The following CHP1 variants were observed in gnomAD, a reference collection of about 807,000 sequenced individuals.
The protein encoded by CHP1 is calcineurin B homologous protein 1.
Under a neutral mutation model 27.4 loss-of-function variants are expected in CHP1, and 11 were observed. That is an observed-to-expected ratio of 0.40 (90% CI 0.25 to 0.67). The LOEUF is 0.67. CHP1 is among the 30% of genes least tolerant of loss of function. CHP1 has a pLI of 0.38. For synonymous variants in CHP1, 89 were observed against 87.4 expected (o/e 1.02, Z -0.10); for missense variants, 169 against 251.3 (o/e 0.67, Z 2.22).
intron 5 of CHP1, among the ~76,000 whole-genome samples, chr15:41,274,243 G>A (rs1381998222): frequency 6.6e-6 from 1 of 152,120 alleles, no homozygotes; most frequent in Non-Finnish European, 1.5e-5. Context: ...ACAGGCATGA[G>A]CCACCGCACC....
chr15:41,255,909 T>G (rs929178677), intron 2 of CHP1, among the ~76,000 whole-genome samples: 2 of 151,920 alleles, frequency 1.3e-5, no homozygotes, highest in African/African-American at 4.8e-5. Flanking sequence ...CCCAGCTACT[T>G]GGGAGGCTGA....
Position 41,256,990 on chromosome 15 carries a change from G to A in CHP1, c.221G>A (p.Gly74Glu). 6.2e-7 allele frequency: 1 copy of A among 1,612,700 alleles called. No individual in the cohort carries two copies. Among genetic ancestry groups the A allele is most frequent in the Non-Finnish European group, 8.5e-7 (1 of 1,178,840 alleles). Residue 74 changes from glycine (G) to glutamate (E), a missense_variant and splice_region_variant, in exon 3 of 7, where the codon GGA (glycine) becomes GAA (glutamate). Physicochemically the swap from Gly to Glu is moderately conservative, Grantham distance 98. Transcript: ENST00000334660. ...DRIINAFFPE[G>E]EDQVNFRGFM... Reference sequence around the variant, plus strand: ...ATCATCAATGCCTTCTTTCCAGAGGGGTGAGTCAGTACAGTTGTTGGACTT... The same window carrying A: ...ATCATCAATGCCTTCTTTCCAGAGGAGTGAGTCAGTACAGTTGTTGGACTT...
intron 2 of CHP1, among the ~76,000 whole-genome samples, chr15:41,256,016 CA>C (rs2047398762): frequency 6.6e-6 from 1 of 150,986 alleles, no homozygotes; most frequent in Non-Finnish European, 1.5e-5. Flanking sequence ...GACTCTGTCT[CA>C]AAAAAAAGTT....
intron 4 of CHP1, among the ~76,000 whole-genome samples, chr15:41,265,601 C>CTCGG (rs1341539297): frequency 6.6e-6 from 1 of 151,260 alleles, no homozygotes; most frequent in East Asian, 2.0e-4. Context: ...ATCTCAGGTA[C>CTCGG]TCGGGAGGCT....
intron 4 of CHP1, chr15:41,264,026 G>C (rs1301803101): frequency 2.4e-6 from 1 of 409,446 alleles, no homozygotes; most frequent in Non-Finnish European, 4.5e-6. Context: ...CGGCAGGAGG[G>C]TTGATTCTGT....
chr15:41,256,993 GAGTC>G lies in CHP1; in HGVS notation c.221+7_221+10del. 6.2e-7 allele frequency: 1 copy of G among 1,612,054 alleles called. No homozygotes were observed. The highest frequency in any genetic ancestry group is 1.7e-4 in the Middle Eastern group (1 of 6,058). ...ATCAATGCCTTCTTTCCAGAGGGGT[GAGTC>G]AGTACAGTTGTTGGACTTCCTTCCT... is the stretch of plus-strand genomic sequence containing the variant. On this transcript the variant is annotated splice_donor_5th_base_variant and intron_variant, in intron 3 of 6. Transcript: ENST00000334660.
At chr15:41,260,429 C>T (rs955211248) in intron 3 of CHP1, among the ~76,000 whole-genome samples, 1 of 145,062 alleles carries the variant, frequency 6.9e-6, no homozygotes, top group Admixed American at 7.0e-5. Flanking sequence ...GAGTCTCCCT[C>T]TGTCACCCAG....
At chr15:41,246,735 C>T (rs1432650213) in intron 2 of CHP1, among the ~76,000 whole-genome samples, 1 of 144,764 alleles carries the variant, frequency 6.9e-6, no homozygotes, top group Non-Finnish European at 1.5e-5. Context: ...GAAACCCCGT[C>T]TCTATTAAAA....
At chr15:41,271,097 T>C (rs936641618) in intron 5 of CHP1, among the ~76,000 whole-genome samples, 1 of 151,582 alleles carries the variant, frequency 6.6e-6, no homozygotes, top group Non-Finnish European at 1.5e-5. Context: ...CTACTAAAAA[T>C]ACAAAAAATT....
chr15:41,267,929 T>TA (rs57565577), intron 4 of CHP1, among the ~76,000 whole-genome samples: 5,147 of 117,184 alleles, frequency 0.044, 349 homozygotes, highest in African/African-American at 0.13. Flanking sequence ...CCCTATCTCT[T>TA]AAAAAAAAAA....
At chr15:41,262,010 A>G (rs1486120169) in intron 3 of CHP1, among the ~76,000 whole-genome samples, 4 of 145,952 alleles carry the variant, frequency 2.7e-5, no homozygotes, top group African/African-American at 7.8e-5. Flanking sequence ...AAAAAAAAAA[A>G]TACAAAAAAT....
Position 41,278,869 on chromosome 15 carries a change from T to A in CHP1, c.514T>A (p.Ser172Thr). The A allele has an allele frequency of 6.2e-7, 1 of 1,614,144 alleles. No individual in the cohort carries two copies. The highest frequency in any genetic ancestry group is 8.5e-7 in the Non-Finnish European group (1 of 1,180,024). Residue 172 changes from serine to threonine, a missense_variant, in exon 6 of 7, where the codon TCT becomes ACT. Coordinates refer to ENST00000334660, the MANE Select transcript of CHP1 (RefSeq NM_007236.5). The part of the protein sequence containing the change: ...EADQDGDSAI[S>T]FTEFVKVLEK... ...TGATCAGGATGGGGACAGTGCCATA[T>A]CTTTCACAGAATTTGTTAAGGTTGG...
At chr15:41,266,645 C>T (rs1255169233) in intron 4 of CHP1, among the ~76,000 whole-genome samples, 1 of 152,086 alleles carries the variant, frequency 6.6e-6, no homozygotes, top group Admixed American at 6.6e-5. Context: ...TGTCCATCGA[C>T]AGATGAATGG....
In CHP1 at chr15:41,260,167, G is replaced by A. The variant is rs942400141; in HGVS notation, c.222-2589G>A. Among the ~76,000 whole-genome samples the A allele has an allele frequency of 1.4e-3, 214 of 151,632 alleles. 1 individual carries two copies. Among genetic ancestry groups the A allele is most frequent in the African/African-American group, 5.0e-3 (207 of 41,388 alleles). On this transcript the variant is annotated intron_variant, in intron 3 of 6. Transcript: ENST00000334660. Reference sequence around the variant, plus strand: ...CTATTCGGTGGGGCACAGAAAGGCTGGGGTTTTTTTTTTTTTTAGGTAACC... The same window carrying A: ...CTATTCGGTGGGGCACAGAAAGGCTAGGGTTTTTTTTTTTTTTAGGTAACC...
chr15:41,279,264 T>C, intron 6 of CHP1, 72 bp from the exon 7 acceptor site: 1 of 1,220,208 alleles, frequency 8.2e-7, no homozygotes. Flanking sequence ...GGGGAAAACA[T>C]TACTCAGATA....
intron 2 of CHP1, among the ~76,000 whole-genome samples, chr15:41,244,137 G>A (rs1438144924): frequency 1.3e-5 from 2 of 149,236 alleles, no homozygotes; most frequent in Non-Finnish European, 3.0e-5. Flanking sequence ...GGCAGAGGTC[G>A]CAGTGAGCAA....
intron 1 of CHP1, among the ~76,000 whole-genome samples, chr15:41,240,370 G>A (rs2047299996): frequency 6.6e-6 from 1 of 151,972 alleles, no homozygotes; most frequent in African/African-American, 2.4e-5. Flanking sequence ...GATAAAGAAG[G>A]ACTCCAAAGC....
intron 1 of CHP1, among the ~76,000 whole-genome samples, chr15:41,243,122 C>T (rs2047315511): frequency 6.6e-6 from 1 of 152,050 alleles, no homozygotes; most frequent in African/African-American, 2.4e-5. Context: ...AGTGGATCAC[C>T]TGAGGTCAGG....
At chr15:41,265,362 T>TA (rs1369521647) in intron 4 of CHP1, among the ~76,000 whole-genome samples, 1 of 49,138 alleles carries the variant, frequency 2.0e-5, no homozygotes, top group Non-Finnish European at 3.7e-5. Context: ...AGACTCTGTC[T>TA]CAAAAAAAAA....
Sources: gnomAD v4.1 joint callset for allele counts (sites outside exome capture counted in the v4.1 genomes callset) on GRCh38, gnomAD v4.1.1 for gene constraint, MANE v1.5 for transcripts, NCBI Gene and HGNC (gene_info 2026-07-23, HGNC 2026-07-21) for gene names.